DAB1: variants seen among roughly 807,000 people sequenced by gnomAD.
DAB1 encodes the protein DAB adaptor protein 1.
In DAB1, 15 loss-of-function variants were observed where a neutral mutation model predicts 64.6. That is an observed-to-expected ratio of 0.23 (90% CI 0.16 to 0.36). The LOEUF (loss-of-function observed/expected upper bound fraction) is 0.36, where lower values mean the gene tolerates loss of function less well. Ranked by LOEUF, DAB1 falls within the 10% of genes least tolerant of loss-of-function variation. The pLI is 1.00. For missense variants in DAB1, 596 were observed against 706.7 expected, an observed-to-expected ratio of 0.84 and a Z score of 1.78; for synonymous variants, 235 against 251.9, an observed-to-expected ratio of 0.93 and a Z score of 0.64.
intron 9 of DAB1, among the ~76,000 whole-genome samples, chr1:57,057,834 T>A (rs980435112): frequency 3.3e-5 from 5 of 151,988 alleles, no homozygotes; most frequent in African/African-American, 7.3e-5. Context: ...GGTCTCGATC[T>A]CCTGACCTCC....
chr1:58,069,579 C>T (rs1300298296), intron 5 of DAB1, among the ~76,000 whole-genome samples: 2 of 152,160 alleles, frequency 1.3e-5, no homozygotes, highest in African/African-American at 4.8e-5. Flanking sequence ...CCCCAGTTCA[C>T]CCAGACAGCG....
chr1:57,871,521 T>C (rs1326030982), intron 1 of DAB1, among the ~76,000 whole-genome samples: 1 of 152,196 alleles, frequency 6.6e-6, no homozygotes, highest in Non-Finnish European at 1.5e-5. Flanking sequence ...TCAATCACTA[T>C]GCTAAACTTC....
intron 4 of DAB1, among the ~76,000 whole-genome samples, chr1:58,285,984 CA>C (rs1191631783): frequency 2.0e-5 from 3 of 152,102 alleles, no homozygotes; most frequent in African/African-American, 7.2e-5. Context: ...ACCAATGGAA[CA>C]GAACAGAGAA....
chr1:58,040,933 G>A (rs1647125763), intron 5 of DAB1, among the ~76,000 whole-genome samples: 1 of 152,130 alleles, frequency 6.6e-6, no homozygotes, highest in African/African-American at 2.4e-5. Context: ...GGACCCCGGG[G>A]ATTGGCTCTT....
At chr1:58,074,383 C>G (rs1401253724) in intron 5 of DAB1, 2 of 149,670 alleles carry the variant, frequency 1.3e-5, no homozygotes, top group East Asian at 3.9e-4. Flanking sequence ...ACATATTTTT[C>G]TCTTTCATTT....
Position 57,106,148 on chromosome 1 carries a change from C to T in DAB1, c.306+30395G>A, listed in dbSNP as rs111345571. On this transcript the variant is annotated intron_variant, in intron 4 of 14. Transcript: ENST00000371236. ...TTCTCTTAGGCAACGATAATCACAT[C>T]GGGTTAACCTTTTCTGAAACAGAAA... is the stretch of plus-strand genomic sequence containing the variant. Among the ~76,000 whole-genome samples the T allele has an allele frequency of 4.3e-4, 65 of 152,252 alleles. 1 individual carries two copies. The South Asian group carries it at 0.012, about 28-fold the overall frequency.
intron 5 of DAB1, among the ~76,000 whole-genome samples, chr1:58,132,668 G>C (rs936660739): frequency 2.0e-5 from 3 of 152,106 alleles, no homozygotes; most frequent in African/African-American, 4.8e-5. Context: ...GGGCCTATTT[G>C]ACAGGGTAAC....
chr1:57,262,407 G>C (rs770662145), intron 2 of DAB1, among the ~76,000 whole-genome samples: 2 of 152,224 alleles, frequency 1.3e-5, no homozygotes, highest in South Asian at 4.1e-4. Flanking sequence ...AATACTGTGA[G>C]TTGGAACTTC....
chr1:58,232,921 T>C (rs971833694), intron 4 of DAB1, among the ~76,000 whole-genome samples: 2 of 152,228 alleles, frequency 1.3e-5, no homozygotes, highest in Admixed American at 6.5e-5. Flanking sequence ...GCTGACACTA[T>C]GTTATCTATT....
At chr1:57,430,244 T>C (rs1416901319) in intron 7 of DAB1, among the ~76,000 whole-genome samples, 1 of 152,212 alleles carries the variant, frequency 6.6e-6, no homozygotes, top group African/African-American at 2.4e-5. Context: ...TTTGTGATGA[T>C]ATTGTAAGTG....
intron 5 of DAB1, among the ~76,000 whole-genome samples, chr1:58,030,621 C>T (rs1282817143): frequency 1.3e-5 from 2 of 152,182 alleles, no homozygotes; most frequent in African/African-American, 4.8e-5. Flanking sequence ...ACACAAAGAA[C>T]ATGAGATGGC....
chr1:57,803,286 A>C (rs961029663), intron 6 of DAB1, among the ~76,000 whole-genome samples: 2 of 152,228 alleles, frequency 1.3e-5, no homozygotes, highest in Non-Finnish European at 2.9e-5. Context: ...AGAGTGGACT[A>C]CAGCAGTGGC....
intron 2 of DAB1, among the ~76,000 whole-genome samples, chr1:58,516,716 T>C (rs141918785): frequency 1.4e-3 from 208 of 152,278 alleles, no homozygotes; most frequent in African/African-American, 4.5e-3. Context: ...TGAAACCTCA[T>C]AAATCCAATG....
intron 2 of DAB1, among the ~76,000 whole-genome samples, chr1:57,152,206 TC>T (rs1459301714): frequency 2.0e-5 from 3 of 152,206 alleles, no homozygotes; most frequent in African/African-American, 4.8e-5. Context: ...CTCTGGCAGG[TC>T]AGGAGTGCCA....
intron 1 of DAB1, among the ~76,000 whole-genome samples, chr1:57,308,101 A>C (rs1486015743): frequency 6.6e-6 from 1 of 152,240 alleles, no homozygotes; most frequent in African/African-American, 2.4e-5. Context: ...AGAGATAAAA[A>C]GACCAAAATA....
chr1:57,822,226 T>C (rs1652153096), downstream of DAB1, among the ~76,000 whole-genome samples: 2 of 152,230 alleles, frequency 1.3e-5, no homozygotes, highest in South Asian at 2.1e-4. Context: ...ACAGGAAGTA[T>C]CATGCTGTCC....
chr1:57,322,253 T>A (rs1181087314), intron 1 of DAB1, among the ~76,000 whole-genome samples: 1 of 152,190 alleles, frequency 6.6e-6, no homozygotes, highest in African/African-American at 2.4e-5. Context: ...CCAGAGGAGA[T>A]GCAGATTCCA....
At position 57,352,450 on chromosome 1, in the gene DAB1, G is replaced by A. The variant is rs757436039; in HGVS notation, c.-136-61284C>T. 2.0e-5 allele frequency among the ~76,000 whole-genome samples: 3 copies of A among 152,126 alleles called. No homozygotes were observed. In the South Asian group the frequency reaches 6.2e-4, roughly 31 times the overall value. ...GTTGGACGAATTTTGGCTTGAAGAG[G>A]TATACCTAAGTTCAAAAGCTTGCAT... On this transcript the variant is annotated intron_variant, in intron 1 of 14. Transcript: ENST00000371236.
intron 3 of DAB1, among the ~76,000 whole-genome samples, chr1:58,369,820 G>C (rs1466355139): frequency 6.6e-6 from 1 of 152,214 alleles, no homozygotes; most frequent in African/African-American, 2.4e-5. Context: ...ACTGGAATTA[G>C]AGAATCTTCT....
Sources: gnomAD v4.1 joint callset for allele counts (sites outside exome capture counted in the v4.1 genomes callset) on GRCh38, gnomAD v4.1.1 for gene constraint, MANE v1.5 for transcripts, NCBI Gene and HGNC (gene_info 2026-07-23, HGNC 2026-07-21) for gene names.